MID1: variants seen among roughly 807,000 people sequenced by gnomAD.
MID1 encodes E3 ubiquitin-protein ligase Midline-1.
Under a neutral mutation model 40.4 loss-of-function variants are expected in MID1, and 7 were observed. The observed-to-expected ratio is 0.17, with a 90% CI of 0.10 to 0.33. The LOEUF (loss-of-function observed/expected upper bound fraction) is 0.33. MID1 is among the 10% of genes least tolerant of loss of function. The probability of loss-of-function intolerance (pLI) is 1.00; values close to 1 mark genes in which losing one functional copy is unlikely to be tolerated. For synonymous variants in MID1, 229 were observed against 221.2 expected (o/e 1.04, Z -0.31); for missense variants, 367 against 558.5 (o/e 0.66, Z 3.46).
intron 1 of MID1, among the ~76,000 whole-genome samples, chrX:10,669,121 A>G (rs1261369519): frequency 2.9e-5 from 3 of 103,749 alleles, no homozygotes; most frequent in Non-Finnish European, 5.9e-5. Context: ...CGGGAGGCTG[A>G]GGCAGGAGAA....
At chrX:10,547,798 T>C (rs768464073) in intron 2 of MID1, among the ~76,000 whole-genome samples, 1 of 111,670 alleles carries the variant, frequency 9.0e-6, no homozygotes, top group South Asian at 3.9e-4. Flanking sequence ...GAACCCACTT[T>C]ATAATTTGGG....
chrX:10,530,876 T>C (rs1250524838), intron 2 of MID1, among the ~76,000 whole-genome samples: 1 of 112,400 alleles, frequency 8.9e-6, no homozygotes, highest in Non-Finnish European at 1.9e-5. Context: ...AGGGAATTAA[T>C]GACTTGTCAT....
At chrX:10,536,641 C>T (rs1213180731) in intron 2 of MID1, among the ~76,000 whole-genome samples, 3 of 112,540 alleles carry the variant, frequency 2.7e-5, no homozygotes, top group Non-Finnish European at 5.6e-5. Flanking sequence ...AAAGTCTCAT[C>T]TTTTCTGTAG....
At chrX:10,719,233 A>G (rs1187900826) in intron 1 of MID1, among the ~76,000 whole-genome samples, 2 of 110,588 alleles carry the variant, frequency 1.8e-5, no homozygotes, top group East Asian at 2.8e-4. Context: ...AGGGTATTCA[A>G]TTAGGAAAAG....
intron 3 of MID1, chrX:10,506,420 A>T (rs1190462710): frequency 1.1e-6 from 1 of 880,677 alleles, no homozygotes; most frequent in East Asian, 3.4e-5. Context: ...ACTTACCAAG[A>T]CCACCTTGGG....
intron 1 of MID1, among the ~76,000 whole-genome samples, chrX:10,721,453 A>G (rs1489453331): frequency 9.0e-6 from 1 of 110,830 alleles, no homozygotes; most frequent in African/African-American, 3.3e-5. Flanking sequence ...GGATGTTGCA[A>G]ACTCAGATAA....
At chrX:10,676,843 A>G (rs904717406) in intron 1 of MID1, among the ~76,000 whole-genome samples, 6 of 111,315 alleles carry the variant, frequency 5.4e-5, no homozygotes, top group Non-Finnish European at 9.4e-5. Flanking sequence ...GGAATACGAT[A>G]GGTCATGGCG....
intron 1 of MID1, among the ~76,000 whole-genome samples, chrX:10,649,456 T>C (rs1394129691): frequency 1.8e-5 from 2 of 112,141 alleles, no homozygotes; most frequent in African/African-American, 6.5e-5. Context: ...TGGATCACAT[T>C]ACAACATGTG....
intron 1 of MID1, among the ~76,000 whole-genome samples, chrX:10,615,070 C>T (rs1039161030): frequency 8.0e-5 from 9 of 112,102 alleles, no homozygotes; most frequent in African/African-American, 2.9e-4. Flanking sequence ...TACAAATGGA[C>T]ATGTGGGCTA....
At chrX:10,535,389 G>A (rs1933208213) in intron 2 of MID1, among the ~76,000 whole-genome samples, 1 of 111,945 alleles carries the variant, frequency 8.9e-6, no homozygotes, top group Non-Finnish European at 1.9e-5. Flanking sequence ...TATTTGTAAT[G>A]CAGCTTATAT....
intron 2 of MID1, among the ~76,000 whole-genome samples, chrX:10,552,197 G>C (rs1261476078): frequency 9.0e-6 from 1 of 110,503 alleles, no homozygotes; most frequent in East Asian, 2.8e-4. Context: ...GGGAATGTCG[G>C]AGATCAGATA....
In MID1 at chrX:10,592,107, T is replaced by C. The variant is rs147433349; in HGVS notation, c.-56-24504A>G. On this transcript the variant is annotated intron_variant, in intron 1 of 9. Transcript: ENST00000317552. ...TTCATCAGCAGAATCTTGCTTACAA[T>C]AGCACAAATGATAATTTGGCTGAAT... is the stretch of plus-strand genomic sequence containing the variant. 8.4e-3 allele frequency among the ~76,000 whole-genome samples: 914 copies of C among 108,659 alleles called. 7 individuals carry two copies. Among genetic ancestry groups the C allele is most frequent in the African/African-American group, 0.029 (868 of 29,738 alleles). The allele number at this position is 108,659 out of a possible 115,157, so 94.4% of individuals were successfully genotyped here.
intron 3 of MID1, among the ~76,000 whole-genome samples, chrX:10,516,593 TGTGTGTGTGTGTGTGTGC>T (rs1932440138): frequency 1.2e-5 from 1 of 84,092 alleles, no homozygotes; most frequent in Admixed American, 1.2e-4. Flanking sequence ...TGTGTGTGTG[TGTGTGTGTGTGTGTGTGC>T]GCGCGCGCAC....
chrX:10,474,807 G>A, intron 5 of MID1, 57 bp from the exon 6 acceptor site: 3 of 1,131,394 alleles, frequency 2.7e-6, no homozygotes, highest in Non-Finnish European at 3.6e-6. Flanking sequence ...CAACATCACT[G>A]CATAGAAATG....
At chrX:10,533,805 A>G (rs1056268702) in intron 2 of MID1, among the ~76,000 whole-genome samples, 9 of 112,034 alleles carry the variant, frequency 8.0e-5, no homozygotes, top group African/African-American at 2.6e-4. Flanking sequence ...ACTGAGGAAG[A>G]GTAAGAAATG....
chrX:10,525,928 A>G (rs750452541), intron 2 of MID1, among the ~76,000 whole-genome samples: 2 of 112,511 alleles, frequency 1.8e-5, no homozygotes, highest in Non-Finnish European at 3.7e-5. Flanking sequence ...GCCCAGTGTC[A>G]GTCTTCTCTC....
intron 1 of MID1, among the ~76,000 whole-genome samples, chrX:10,688,096 G>C (rs2043111187): frequency 9.0e-6 from 1 of 111,451 alleles, no homozygotes; most frequent in Non-Finnish European, 1.9e-5. Flanking sequence ...TTGGCCTTAA[G>C]TGATCTTCCT....
At chrX:10,537,377 T>C (rs1212932422) in intron 2 of MID1, among the ~76,000 whole-genome samples, 2 of 112,206 alleles carry the variant, frequency 1.8e-5, no homozygotes, top group African/African-American at 6.5e-5. Context: ...TGTTAAACTT[T>C]GCTCTCAGGA....
chrX:10,616,177 A>G (rs1374152888), intron 1 of MID1, among the ~76,000 whole-genome samples: 6 of 112,104 alleles, frequency 5.4e-5, no homozygotes, highest in Non-Finnish European at 9.4e-5. Flanking sequence ...CTGGTCTTTC[A>G]AAGTCCCATC....
Sources: allele counts gnomAD v4.1 joint callset (sites outside exome capture counted in the v4.1 genomes callset), GRCh38; gene constraint gnomAD v4.1.1; transcripts MANE v1.5; gene names NCBI Gene and HGNC (gene_info 2026-07-23, HGNC 2026-07-21).